Variants in PTPRG observed in about 807,000 individuals in gnomAD.
PTPRG encodes protein tyrosine phosphatase receptor type G, also known as receptor-type tyrosine-protein phosphatase gamma.
In PTPRG, 102 loss-of-function variants were observed where a neutral mutation model predicts 165.3. The ratio of observed to expected loss-of-function variants is 0.62; its 90% CI spans 0.53 to 0.73. The LOEUF is 0.73. Among genes scored for constraint, PTPRG ranks in the 30% least tolerant of loss-of-function variants. The pLI, the probability that PTPRG is intolerant of heterozygous loss-of-function variation, is 0.00. For synonymous variants in PTPRG, 675 were observed against 669.5 expected, an observed-to-expected ratio of 1.01 and a Z score of -0.13; for missense variants, 1,866 against 1,861.4, an observed-to-expected ratio of 1.00 and a Z score of -0.05.
At chr3:62,066,854 A>G (rs1701029705) in intron 4 of PTPRG, among the ~76,000 whole-genome samples, 1 of 152,106 alleles carries the variant, frequency 6.6e-6, no homozygotes, top group South Asian at 2.1e-4. Flanking sequence ...CCTGCTCAAC[A>G]TGGTGAAACC....
At chr3:61,807,061 A>G (rs1166212163) in intron 2 of PTPRG, among the ~76,000 whole-genome samples, 2 of 152,172 alleles carry the variant, frequency 1.3e-5, no homozygotes. Context: ...GACGGAGAGG[A>G]CAATTCAGGA....
At chr3:62,149,939 C>G (rs1407700496) in intron 6 of PTPRG, among the ~76,000 whole-genome samples, 1 of 152,308 alleles carries the variant, frequency 6.6e-6, no homozygotes, top group East Asian at 1.9e-4. Flanking sequence ...TCACTCCAAC[C>G]ATTTCTCTTT....
At chr3:61,610,656 C>G (rs1203023524) in intron 1 of PTPRG, among the ~76,000 whole-genome samples, 1 of 152,170 alleles carries the variant, frequency 6.6e-6, no homozygotes, top group East Asian at 1.9e-4. Flanking sequence ...AAATATTCCT[C>G]TGTTAAGTGA....
chr3:62,247,334 CA>C (rs1248496163), intron 15 of PTPRG, among the ~76,000 whole-genome samples: 2 of 152,108 alleles, frequency 1.3e-5, no homozygotes, highest in African/African-American at 4.8e-5. Context: ...TAACAGTTTT[CA>C]TATCTCAAGA....
intron 1 of PTPRG, among the ~76,000 whole-genome samples, chr3:61,662,206 A>G (rs574723872): frequency 1.3e-5 from 2 of 152,332 alleles, no homozygotes; most frequent in East Asian, 1.9e-4. Context: ...ACTATGAGCT[A>G]GACTTCATGT....
rs565830307 is a variant in PTPRG, at chr3:61,939,352, C to G, written c.191-50273C>G. ...GCTTAGAAAGAGGATGCTTACATAG[C>G]AAAACTGAGTAAATATGCACAGGGC... On this transcript the variant is annotated intron_variant, in intron 2 of 29. Transcript: ENST00000474889. 2.0e-5 allele frequency among the ~76,000 whole-genome samples: 3 copies of G among 152,236 alleles called. No homozygotes were observed. In the East Asian group the frequency reaches 5.8e-4, roughly 29 times the overall value.
intron 2 of PTPRG, among the ~76,000 whole-genome samples, chr3:61,796,033 C>T (rs967227815): frequency 6.6e-6 from 1 of 152,190 alleles, no homozygotes; most frequent in Non-Finnish European, 1.5e-5. Context: ...AGCTCAGGCC[C>T]TCAAGTTGAA....
In PTPRG at chr3:61,748,927, C is replaced by T. The variant is rs546223591; in HGVS notation, c.135C>T (p.Ser45=). The T allele has an allele frequency of 3.6e-5, 58 of 1,612,854 alleles. No individual in the cohort carries two copies. Among genetic ancestry groups the T allele is most frequent in the Middle Eastern group, 1.7e-4 (1 of 6,012 alleles). ...CCCTGCACGAGAATAGACACGGCAGCGCAGTGCAGATCCGCAGGCGCAAGG... is the reference window on the plus strand; with the variant it reads ...CCCTGCACGAGAATAGACACGGCAGTGCAGTGCAGATCCGCAGGCGCAAGG... ...VGALHENRHG[S]AVQIRRRKAS... Residue 45 remains serine (S), a synonymous_variant, in exon 2 of 30, where the codon AGC becomes AGT. Transcript: ENST00000474889.
At chr3:62,000,947 A>G (rs1223126371) in intron 3 of PTPRG, among the ~76,000 whole-genome samples, 1 of 152,214 alleles carries the variant, frequency 6.6e-6, no homozygotes, top group Non-Finnish European at 1.5e-5. Context: ...AATTATCACC[A>G]TTTGAACAGT....
chr3:62,206,423 C>T (rs1410836246), intron 12 of PTPRG, among the ~76,000 whole-genome samples: 5 of 152,098 alleles, frequency 3.3e-5, no homozygotes, highest in African/African-American at 7.2e-5. Flanking sequence ...GTCTTAGTCC[C>T]GTGTCCTCGT....
At chr3:61,986,034 A>G (rs2040753221) in intron 2 of PTPRG, among the ~76,000 whole-genome samples, 1 of 151,750 alleles carries the variant, frequency 6.6e-6, no homozygotes, top group Admixed American at 6.6e-5. Context: ...AATACTTAGC[A>G]AGAAGTCAGT....
intron 1 of PTPRG, among the ~76,000 whole-genome samples, chr3:61,698,730 A>T (rs2030756177): frequency 6.6e-6 from 1 of 152,212 alleles, no homozygotes; most frequent in African/African-American, 2.4e-5. Context: ...AATTAAAAAA[A>T]CTTAATTCAT....
intron 1 of PTPRG, among the ~76,000 whole-genome samples, chr3:61,581,137 T>C (rs1700284178): frequency 6.6e-6 from 1 of 152,244 alleles, no homozygotes; most frequent in Non-Finnish European, 1.5e-5. Flanking sequence ...TTTAAACTTC[T>C]CTGGAGGTGG....
In PTPRG at chr3:62,107,330, A is replaced by T. The variant is rs561956127; in HGVS notation, c.616-25272A>T. Among the ~76,000 whole-genome samples the T allele has an allele frequency of 1.4e-3, 216 of 152,326 alleles. 1 individual carries two copies. The highest frequency in any genetic ancestry group is 1.7e-3 in the Non-Finnish European group (117 of 68,020). On this transcript the variant is annotated intron_variant, in intron 5 of 29. Transcript: ENST00000474889. The stretch of plus-strand genomic sequence containing the variant: ...CCTAATTTGAGATTTTTGTGTCCCC[A>T]AGTTTTCATTAAAAGGAAGCTTCTG...
In PTPRG at chr3:62,074,664, C is replaced by T. The variant is rs115965227; in HGVS notation, c.520-3499C>T. On this transcript the variant is annotated intron_variant, in intron 4 of 29. Coordinates refer to ENST00000474889, the MANE Select transcript of PTPRG (RefSeq NM_002841.4). ...GGCCCCAGATCTTTTCTTCAGCTTA[C>T]GTACACCACGTTTCTTCATAGAAGG... Among the ~76,000 whole-genome samples the T allele has an allele frequency of 1.4e-3, 213 of 152,184 alleles. 1 individual carries two copies. Among genetic ancestry groups the T allele is most frequent in the African/African-American group, 4.1e-3 (171 of 41,522 alleles).
intron 2 of PTPRG, among the ~76,000 whole-genome samples, chr3:61,948,801 C>T (rs2039826667): frequency 6.6e-6 from 1 of 152,014 alleles, no homozygotes; most frequent in Admixed American, 6.5e-5. Context: ...ATGTATTTAC[C>T]TTTGAGAATG....
At chr3:61,581,201 T>C (rs1210855607) in intron 1 of PTPRG, among the ~76,000 whole-genome samples, 3 of 152,248 alleles carry the variant, frequency 2.0e-5, no homozygotes, top group Non-Finnish European at 4.4e-5. Context: ...AGTTCTAGCC[T>C]GGAGGAGGCG....
chr3:62,103,432 G>C (rs979114104), intron 5 of PTPRG, among the ~76,000 whole-genome samples: 3 of 152,264 alleles, frequency 2.0e-5, no homozygotes, highest in African/African-American at 4.8e-5. Flanking sequence ...CAAAATAAAA[G>C]TTATCCATCT....
chr3:61,752,117 C>T (rs2033458037), intron 2 of PTPRG, among the ~76,000 whole-genome samples: 1 of 152,096 alleles, frequency 6.6e-6, no homozygotes, highest in African/African-American at 2.4e-5. Flanking sequence ...TTTTGGAATG[C>T]ACAAGTGTCG....
Sources: allele counts gnomAD v4.1 joint callset (sites outside exome capture counted in the v4.1 genomes callset), GRCh38; gene constraint gnomAD v4.1.1; transcripts MANE v1.5; gene names NCBI Gene and HGNC (gene_info 2026-07-23, HGNC 2026-07-21).